The following EYS variants were observed in gnomAD, a reference collection of about 807,000 sequenced individuals.
The protein encoded by EYS is protein eyes shut homolog.
EYS carries 250 observed loss-of-function variants against 282.1 expected under a neutral mutation model. That is an observed-to-expected ratio of 0.89 (90% CI 0.80 to 0.98). The LOEUF (loss-of-function observed/expected upper bound fraction) is 0.98, where lower values mean the gene tolerates loss of function less well. Among genes scored for constraint, EYS ranks in the 50% least tolerant of loss-of-function variants. EYS has a pLI of 0.00. For synonymous variants in EYS, 1,355 were observed against 1,282.9 expected (o/e 1.06, Z -1.20); for missense variants, 4,016 against 3,709.0 (o/e 1.08, Z -2.15).
Position 64,698,617 on chromosome 6 carries a change from G to A in EYS, c.3444-72372C>T, listed in dbSNP as rs1770668758. ...AAGGTCTAATATGGACCGTCTATAAGAAACTTAAATTTACAAGAGAAAAAC... is the reference window on the plus strand; with the variant it reads ...AAGGTCTAATATGGACCGTCTATAAAAAACTTAAATTTACAAGAGAAAAAC... On this transcript the variant is annotated intron_variant, in intron 22 of 42. Transcript: ENST00000503581. Among the ~76,000 whole-genome samples, 3 of 152,008 alleles carry A rather than the reference G, an allele frequency of 2.0e-5. No individual in the cohort carries two copies. The South Asian group carries it at 6.2e-4, about 32-fold the overall frequency.
At chr6:64,733,037 A>G (rs565085818) in intron 22 of EYS, among the ~76,000 whole-genome samples, 7 of 152,276 alleles carry the variant, frequency 4.6e-5, no homozygotes, top group African/African-American at 1.7e-4. Context: ...ACCAGCCACA[A>G]TTTGTAATTG....
chr6:64,994,919 C>T (rs957360376), intron 14 of EYS, among the ~76,000 whole-genome samples: 1 of 152,080 alleles, frequency 6.6e-6, no homozygotes, highest in African/African-American at 2.4e-5. Context: ...TATATTCCAT[C>T]GGAAGGACCG....
chr6:63,866,845 T>A (rs1048406107), intron 35 of EYS, among the ~76,000 whole-genome samples: 1 of 152,152 alleles, frequency 6.6e-6, no homozygotes, highest in African/African-American at 2.4e-5. Context: ...TCAATTGAGA[T>A]GTTGCCAGAT....
At chr6:65,577,251 C>G (rs1182306431) in intron 2 of EYS, among the ~76,000 whole-genome samples, 1 of 151,696 alleles carries the variant, frequency 6.6e-6, no homozygotes, top group African/African-American at 2.4e-5. Context: ...TCCAATGGAA[C>G]AGAATAGAAA....
chr6:64,258,489 A>G (rs1230145259), intron 30 of EYS, among the ~76,000 whole-genome samples: 1 of 152,072 alleles, frequency 6.6e-6, no homozygotes, highest in Non-Finnish European at 1.5e-5. Context: ...AAGTGGGTAA[A>G]TGACAACAAA....
intron 1 of EYS, among the ~76,000 whole-genome samples, chr6:65,646,552 C>T (rs1767456921): frequency 6.6e-6 from 1 of 152,118 alleles, no homozygotes; most frequent in African/African-American, 2.4e-5. Flanking sequence ...CTATGACATA[C>T]CCACAGCCAA....
intron 2 of EYS, among the ~76,000 whole-genome samples, chr6:65,578,524 T>C (rs1462310945): frequency 1.3e-5 from 2 of 151,816 alleles, no homozygotes; most frequent in Non-Finnish European, 2.9e-5. Context: ...AGATCTATTA[T>C]ACATCATGGT....
intron 28 of EYS, among the ~76,000 whole-genome samples, chr6:64,413,882 C>A (rs912132832): frequency 6.6e-6 from 1 of 152,078 alleles, no homozygotes; most frequent in Non-Finnish European, 1.5e-5. Flanking sequence ...GTCATGGAGG[C>A]AGATTCCTCA....
In EYS at chr6:65,246,151, C is replaced by T. The variant is rs369166329; in HGVS notation, c.2023+49712G>A. ...TACTATGTAATAGCAATAATTATCA[C>T]ATGGTGTGTTTACTATGTGTCAGTG... is the stretch of plus-strand genomic sequence containing the variant. On this transcript the variant is annotated intron_variant, in intron 12 of 42. Coordinates refer to ENST00000503581, the MANE Select transcript of EYS (RefSeq NM_001142800.2). Among the ~76,000 whole-genome samples, 6 of 152,100 alleles carry T rather than the reference C, an allele frequency of 3.9e-5. No individual in the cohort carries two copies. In the East Asian group the frequency reaches 9.6e-4, roughly 24 times the overall value.
intron 2 of EYS, among the ~76,000 whole-genome samples, chr6:65,525,112 G>A (rs1340219100): frequency 6.6e-6 from 1 of 151,474 alleles, no homozygotes; most frequent in Non-Finnish European, 1.5e-5. Flanking sequence ...GAACATGCAG[G>A]TTTGTTACAT....
intron 2 of EYS, among the ~76,000 whole-genome samples, chr6:65,639,426 T>TG (rs1459414497): frequency 6.6e-6 from 1 of 152,068 alleles, no homozygotes; most frequent in Admixed American, 6.6e-5. Flanking sequence ...CCTTTCATCT[T>TG]GAAAGAGAAA....
chr6:64,931,688 A>C (rs13199551), intron 15 of EYS, among the ~76,000 whole-genome samples: 61,234 of 151,926 alleles, frequency 0.4, 12,687 homozygotes, highest in East Asian at 0.53. Flanking sequence ...AACTATATAT[A>C]AAAAAGTTAA....
chr6:65,698,117 C>T (rs776294309), intron 1 of EYS, among the ~76,000 whole-genome samples: 3 of 152,006 alleles, frequency 2.0e-5, no homozygotes, highest in Admixed American at 6.6e-5. Flanking sequence ...ATTTCAAATA[C>T]GGTATCTGGG....
rs558599060 is a variant in EYS at position 65,183,926 on chromosome 6, G to A, written c.2023+111937C>T. ...CAAACATTTTAAGCTGAAATACAGT[G>A]TGTCTATACTGCACTTCAAGAAATA... On this transcript the variant is annotated intron_variant, in intron 12 of 42. Coordinates refer to ENST00000503581, the MANE Select transcript of EYS (RefSeq NM_001142800.2). 3.3e-5 allele frequency among the ~76,000 whole-genome samples: 5 copies of A among 151,980 alleles called. No homozygotes were observed. In the South Asian group the frequency reaches 1.0e-3, roughly 31 times the overall value.
At chr6:64,435,483 C>T (rs1270770282) in intron 28 of EYS, among the ~76,000 whole-genome samples, 2 of 142,492 alleles carry the variant, frequency 1.4e-5, no homozygotes, top group Admixed American at 1.4e-4. Context: ...CAGATGTTTC[C>T]TTTTACTAAA....
At chr6:65,290,510 T>A (rs1446023291) in intron 12 of EYS, among the ~76,000 whole-genome samples, 2 of 151,288 alleles carry the variant, frequency 1.3e-5, no homozygotes, top group African/African-American at 2.4e-5. Context: ...ATATTATAAG[T>A]AACTCCAGTA....
chr6:64,759,737 A>G (rs190499671), intron 22 of EYS, among the ~76,000 whole-genome samples: 11 of 152,314 alleles, frequency 7.2e-5, no homozygotes, highest in Admixed American at 2.0e-4. Context: ...AATTATTTTT[A>G]AGAACAATCA....
intron 22 of EYS, among the ~76,000 whole-genome samples, chr6:64,702,226 C>T (rs1389454480): frequency 6.6e-6 from 1 of 151,586 alleles, no homozygotes; most frequent in Non-Finnish European, 1.5e-5. Context: ...TTTACAAATA[C>T]AAAAAAAGAA....
chr6:64,474,893 CTTT>C (rs2150494813), intron 26 of EYS, among the ~76,000 whole-genome samples: 1 of 152,232 alleles, frequency 6.6e-6, no homozygotes, highest in African/African-American at 2.4e-5. Flanking sequence ...TTATGTTCCT[CTTT>C]TTGGCTACAG....
Sources: allele counts gnomAD v4.1 joint callset (sites outside exome capture counted in the v4.1 genomes callset), GRCh38; gene constraint gnomAD v4.1.1; transcripts MANE v1.5; gene names NCBI Gene and HGNC (gene_info 2026-07-23, HGNC 2026-07-21).